ZNF827: variants seen among roughly 807,000 people sequenced by gnomAD.
The protein encoded by ZNF827 is zinc finger protein 827.
ZNF827 carries 13 observed loss-of-function variants against 102.4 expected under a neutral mutation model. The ratio of observed to expected loss-of-function variants is 0.13; its 90% CI spans 0.08 to 0.20. ZNF827 has a LOEUF of 0.20. Among genes scored for constraint, ZNF827 ranks in the 10% least tolerant of loss-of-function variants. ZNF827 has a pLI of 1.00. For synonymous variants in ZNF827, 523 were observed against 536.2 expected (o/e 0.98, Z 0.34); for missense variants, 1,103 against 1,344.4 (o/e 0.82, Z 2.81).
chr4:145,870,547 T>C (rs1748595845), intron 4 of ZNF827, 69 bp from the exon 5 acceptor site: 1 of 1,340,864 alleles, frequency 7.5e-7, no homozygotes, highest in Non-Finnish European at 1.0e-6. Context: ...CCCTGGTACT[T>C]CACGAAGTAT....
At chr4:145,829,492 G>A (rs1226465443) in intron 7 of ZNF827, among the ~76,000 whole-genome samples, 2 of 152,298 alleles carry the variant, frequency 1.3e-5, no homozygotes, top group African/African-American at 2.4e-5. Context: ...TGACCTAACA[G>A]GGTTTACAGA....
chr4:145,787,943 G>A (rs1739131009), intron 8 of ZNF827, among the ~76,000 whole-genome samples: 1 of 152,116 alleles, frequency 6.6e-6, no homozygotes, highest in Admixed American at 6.5e-5. Context: ...AGATCAAGGA[G>A]GAATCTTAAC....
At chr4:145,796,693 G>A (rs554604659) in intron 8 of ZNF827, among the ~76,000 whole-genome samples, 15 of 141,696 alleles carry the variant, frequency 1.1e-4, no homozygotes, top group Non-Finnish European at 2.3e-4. Context: ...GCAGTGGCAC[G>A]ATCTCAGCTC....
intron 2 of ZNF827, among the ~76,000 whole-genome samples, chr4:145,897,600 C>T (rs191636867): frequency 4.7e-4 from 72 of 152,294 alleles, no homozygotes; most frequent in African/African-American, 1.6e-3. Flanking sequence ...TTATGTGTCT[C>T]AAATGCTATT....
intron 8 of ZNF827, among the ~76,000 whole-genome samples, chr4:145,779,740 T>C (rs1737679464): frequency 6.6e-6 from 1 of 152,244 alleles, no homozygotes; most frequent in South Asian, 2.1e-4. Context: ...CAGTATTTTC[T>C]CTCTTTCTTC....
rs753379469 is a variant in ZNF827, at chr4:145,823,440, C to T, written c.2365G>A (p.Gly789Arg). The change falls in exon 8 of 15, where the codon GGA becomes AGA. Residue 789 changes from glycine (G) to arginine (R), a missense_variant. Coordinates refer to ENST00000508784, the MANE Select transcript of ZNF827 (RefSeq NM_001306215.2). ...ELLPSDSVLH[G>R]RISAPETEKI... ...TCCATACCTGGAGCTGATATTCTTCCGTGCAGCACGGAGTCACTGGGCAGC... is the reference window on the plus strand; with the variant it reads ...TCCATACCTGGAGCTGATATTCTTCTGTGCAGCACGGAGTCACTGGGCAGC... The T allele has an allele frequency of 5.6e-6, 9 of 1,611,610 alleles. No individual in the cohort carries two copies. The highest frequency in any genetic ancestry group is 1.7e-4 in the Middle Eastern group (1 of 6,052).
rs6832549 is a variant in ZNF827, at chr4:145,779,639, C to T, written c.2384-128G>A. On this transcript the variant is annotated intron_variant, in intron 8 of 14. Coordinates refer to ENST00000508784, the MANE Select transcript of ZNF827 (RefSeq NM_001306215.2). ...TGGCTAGTAATTGCAAATGAGTCTC[C>T]GTAACTGGTTTTCCTGCTCATTTCC... 7,901 of 1,278,128 alleles carry T rather than the reference C, an allele frequency of 6.2e-3. 349 individuals carry two copies. The African/African-American group carries it at 0.1, about 16-fold the overall frequency. The allele number at this position is 1,278,128 out of a possible 1,614,324, so 79.2% of individuals were successfully genotyped here.
chr4:145,868,666 T>C (rs1396841529), intron 5 of ZNF827, among the ~76,000 whole-genome samples: 1 of 152,270 alleles, frequency 6.6e-6, no homozygotes, highest in Non-Finnish European at 1.5e-5. Context: ...TAAAATATTT[T>C]TCCTTAAAGA....
rs180818588 is a variant in ZNF827, at chr4:145,779,282, T to C, written c.2521+92A>G. 371 of 1,477,604 alleles carry C rather than the reference T, an allele frequency of 2.5e-4. 1 individual carries two copies. In the African/African-American group the frequency reaches 4.7e-3, roughly 19 times the overall value. The allele number at this position is 1,477,604 out of a possible 1,614,324, so 91.5% of individuals were successfully genotyped here. On this transcript the variant is annotated intron_variant, in intron 9 of 14. Coordinates refer to ENST00000508784, the MANE Select transcript of ZNF827 (RefSeq NM_001306215.2). ...GGTCAGCCATTCCCAGCACTTCCTG[T>C]AATGCCTCTCTTAGAGAAACTCAGT...
At chr4:145,775,733 G>T in intron 10 of ZNF827, 56 bp downstream of exon 10, 1 of 1,599,874 alleles carries the variant, frequency 6.3e-7, no homozygotes, top group Non-Finnish European at 8.6e-7. Context: ...CAGGTAGGAA[G>T]TGTTGAAGTC....
chr4:145,802,364 C>T (rs1740995175), intron 8 of ZNF827, among the ~76,000 whole-genome samples: 1 of 152,216 alleles, frequency 6.6e-6, no homozygotes, highest in Non-Finnish European at 1.5e-5. Flanking sequence ...TTTGTTTTCA[C>T]TCCTGTTGGG....
chr4:145,814,606 T>TAAGAAACA (rs1742380179), intron 8 of ZNF827, among the ~76,000 whole-genome samples: 1 of 147,882 alleles, frequency 6.8e-6, no homozygotes, highest in Non-Finnish European at 1.5e-5. Context: ...TCTCACCTCC[T>TAAGAAACA]AACAAACAAA....
Position 145,774,688 on chromosome 4 carries a change from A to G in ZNF827, c.2694-16T>C, listed in dbSNP as rs1471735346. 6.2e-7 allele frequency: 1 copy of G among 1,610,034 alleles called. No homozygotes were observed. The highest frequency in any genetic ancestry group is 1.7e-5 in the Admixed American group (1 of 59,778). ...CACGTGACAACTACATGAAAGGGTA[A>G]AAGAAAAGAGGGGGAGAGAAAAGGG... On this transcript the variant is annotated splice_polypyrimidine_tract_variant and intron_variant, in intron 10 of 14. Transcript: ENST00000508784.
chr4:145,809,444 T>C (rs768614352), intron 8 of ZNF827, among the ~76,000 whole-genome samples: 35 of 151,988 alleles, frequency 2.3e-4, no homozygotes, highest in African/African-American at 8.5e-4. Flanking sequence ...ATGATGATAA[T>C]AGTCCCTCCC....
chr4:145,802,215 C>T (rs1359166065), intron 8 of ZNF827, among the ~76,000 whole-genome samples: 1 of 152,194 alleles, frequency 6.6e-6, no homozygotes, highest in East Asian at 1.9e-4. Context: ...TACTTTAAGA[C>T]TCTGAAAAGC....
chr4:145,931,165 A>G (rs950019060), intron 1 of ZNF827, among the ~76,000 whole-genome samples: 1 of 152,224 alleles, frequency 6.6e-6, no homozygotes, highest in African/African-American at 2.4e-5. Context: ...TCAGCCCATC[A>G]AGTACTCTTA....
chr4:145,933,120 A>T (rs1266256677), intron 1 of ZNF827, among the ~76,000 whole-genome samples: 1 of 152,238 alleles, frequency 6.6e-6, no homozygotes, highest in Non-Finnish European at 1.5e-5. Flanking sequence ...TTTTTATTAG[A>T]AACTATTTTG....
chr4:145,861,316 A>G (rs1250872515), intron 5 of ZNF827, among the ~76,000 whole-genome samples: 1 of 152,234 alleles, frequency 6.6e-6, no homozygotes, highest in Non-Finnish European at 1.5e-5. Flanking sequence ...ATTAACATAT[A>G]GCCAAAAGGC....
intron 5 of ZNF827, among the ~76,000 whole-genome samples, chr4:145,853,531 C>T (rs574105593): frequency 6.6e-6 from 1 of 151,828 alleles, no homozygotes; most frequent in African/African-American, 2.4e-5. Context: ...AAGGAGCTAT[C>T]ATTGTGCTAC....
Sources: gnomAD v4.1 joint callset for allele counts (sites outside exome capture counted in the v4.1 genomes callset) on GRCh38, gnomAD v4.1.1 for gene constraint, MANE v1.5 for transcripts, NCBI Gene and HGNC (gene_info 2026-07-23, HGNC 2026-07-21) for gene names.